Variants in PRRC2C observed in about 807,000 individuals in gnomAD.
The protein encoded by PRRC2C is protein PRRC2C.
PRRC2C carries 72 observed loss-of-function variants against 317.2 expected under a neutral mutation model. That is an observed-to-expected ratio of 0.23 (90% CI 0.19 to 0.28). The LOEUF is 0.28. PRRC2C is among the 10% of genes least tolerant of loss of function. The pLI is 1.00. For missense variants in PRRC2C, 3,074 were observed against 3,459.7 expected (o/e 0.89, Z 2.80); for synonymous variants, 1,296 against 1,205.9 (o/e 1.07, Z -1.55).
intron 1 of PRRC2C, among the ~76,000 whole-genome samples, chr1:171,499,999 A>T (rs1249326351): frequency 6.6e-6 from 1 of 152,208 alleles, no homozygotes. Flanking sequence ...TCTGTAAAAC[A>T]CTTGTAGAGT....
rs1572190412 is a variant in PRRC2C at position 171,592,490 on chromosome 1, A to G, written c.*643A>G. ...ATATTGATGTCAGCATCCTTGAACC[A>G]TATCAAAGTGAGCAGTGTTTGGCTA... On this transcript the variant is annotated 3_prime_UTR_variant, in exon 35 of 35. Coordinates refer to ENST00000647382, the MANE Select transcript of PRRC2C (RefSeq NM_001387844.1). 6.6e-6 allele frequency: 1 copy of G among 152,360 alleles called. No individual in the cohort carries two copies. The highest frequency in any genetic ancestry group is 1.9e-4 in the East Asian group (1 of 5,176). 9.4% of individuals were successfully genotyped at this position (152,360 alleles called of 1,614,324 possible).
intron 1 of PRRC2C, among the ~76,000 whole-genome samples, chr1:171,491,600 A>G (rs1667164008): frequency 6.6e-6 from 1 of 152,244 alleles, no homozygotes; most frequent in Non-Finnish European, 1.5e-5. Flanking sequence ...CAATTGGGAA[A>G]TTGGAGAAAT....
At chr1:171,490,537 G>A (rs1666941797) in intron 1 of PRRC2C, among the ~76,000 whole-genome samples, 1 of 152,196 alleles carries the variant, frequency 6.6e-6, no homozygotes, top group Admixed American at 6.5e-5. Context: ...AAACCGCAAA[G>A]GAGTAGGTTT....
chr1:171,543,121 G>A (rs1678297498), intron 16 of PRRC2C, among the ~76,000 whole-genome samples: 1 of 149,632 alleles, frequency 6.7e-6, no homozygotes, highest in Non-Finnish European at 1.5e-5. Context: ...TGTAATCCCA[G>A]CACTTTGGGA....
chr1:171,560,950 G>A, intron 19 of PRRC2C, 68 bp from the exon 20 acceptor site: 2 of 1,258,406 alleles, frequency 1.6e-6, no homozygotes, highest in Non-Finnish European at 2.3e-6. Flanking sequence ...TTAAGGAAAG[G>A]GTTAAATGGG....
intron 19 of PRRC2C, among the ~76,000 whole-genome samples, chr1:171,559,065 G>T (rs1291137818): frequency 6.6e-6 from 1 of 152,218 alleles, no homozygotes; most frequent in Non-Finnish European, 1.5e-5. Context: ...GCCTGAGAGA[G>T]GTGAGGCAGC....
rs150971843 is a variant in PRRC2C, at chr1:171,501,333, G to C, written c.-57-10699G>C. Among the ~76,000 whole-genome samples the C allele has an allele frequency of 1.5e-3, 222 of 152,184 alleles. 1 individual carries two copies. The highest frequency in any genetic ancestry group is 2.6e-3 in the Non-Finnish European group (180 of 67,996). On this transcript the variant is annotated intron_variant, in intron 1 of 34. Coordinates refer to ENST00000647382, the MANE Select transcript of PRRC2C (RefSeq NM_001387844.1). ...TTTTGTAGAAACAGAGTTTTGTCAT[G>C]TTGCCCAGGCTGGTCTCAAACTCCT... is the stretch of plus-strand genomic sequence containing the variant.
intron 11 of PRRC2C, among the ~76,000 whole-genome samples, chr1:171,531,966 C>T (rs1415812424): frequency 6.6e-6 from 1 of 152,188 alleles, no homozygotes; most frequent in Non-Finnish European, 1.5e-5. Context: ...CTTCATTTCT[C>T]TCCCTTAGAC....
chr1:171,539,492 C>T (rs1175836494), intron 15 of PRRC2C, among the ~76,000 whole-genome samples: 2 of 152,132 alleles, frequency 1.3e-5, no homozygotes, highest in African/African-American at 2.4e-5. Flanking sequence ...ACCTATATTT[C>T]CTATATTTAC....
chr1:171,587,818 G>T, intron 32 of PRRC2C, 67 bp downstream of exon 32: 1 of 1,032,504 alleles, frequency 9.7e-7, no homozygotes, highest in Non-Finnish European at 1.5e-6. Context: ...ATACTTATCA[G>T]TCCTGTGTGA....
At position 171,537,367 on chromosome 1, in the gene PRRC2C, A is replaced by T; in HGVS notation, c.2398A>T (p.Ile800Phe). ...HIARSARDHA[I>F]SLSEPRMLWG... ...AGCTCGATCTGCAAGAGATCACGCA[A>T]TTTCCCTTTCTGAGCCTCGTATGCT... The change falls in exon 15 of 35, where the codon ATT (isoleucine) becomes TTT (phenylalanine). Residue 800 changes from isoleucine to phenylalanine, a missense_variant. This residue lies in a region of PRRC2C where 1,320 missense variants were observed against 1,395.7 expected (regional missense o/e 0.95). Transcript: ENST00000647382. The T allele has an allele frequency of 3.1e-6, 5 of 1,592,168 alleles. No individual in the cohort carries two copies. Among genetic ancestry groups the T allele is most frequent in the Non-Finnish European group, 4.3e-6 (5 of 1,168,426 alleles).
At position 171,540,303 on chromosome 1, in the gene PRRC2C, C is replaced by T. The variant is rs1235227217; in HGVS notation, c.2837C>T (p.Ala946Val). The change falls in exon 16 of 35, where the codon GCA becomes GTA. Residue 946 changes from alanine (A) to valine (V), a missense_variant. Physicochemically the swap from Ala to Val is moderately conservative, Grantham distance 64. Around this residue, in one of 11 missense-constraint regions of PRRC2C, gnomAD observed 1,320 missense variants for 1,395.7 expected, o/e 0.95. Coordinates refer to ENST00000647382, the MANE Select transcript of PRRC2C (RefSeq NM_001387844.1). The part of the protein sequence containing the change: ...KPDEQRSEPS[A>V]GIPKVTSRCI... ...GACGAGCAGAGAAGTGAACCATCTG[C>T]AGGCATTCCTAAAGTAACCAGCAGA... 3.1e-6 allele frequency: 5 copies of T among 1,613,784 alleles called. No individual in the cohort carries two copies. Among genetic ancestry groups the T allele is most frequent in the Admixed American group, 3.3e-5 (2 of 60,010 alleles).
Position 171,541,284 on chromosome 1 carries a change from T to A in PRRC2C, c.3818T>A (p.Ile1273Asn). Residue 1273 changes from isoleucine to asparagine, a missense_variant, in exon 16 of 35, where the codon ATT (isoleucine) becomes AAT (asparagine). Around this residue, in one of 11 missense-constraint regions of PRRC2C, gnomAD observed 1,320 missense variants for 1,395.7 expected, o/e 0.95. Coordinates refer to ENST00000647382, the MANE Select transcript of PRRC2C (RefSeq NM_001387844.1). This position sits in a 1 kb window ranked among gnomAD's most constrained non-coding sequence, Gnocchi z 4.1. ...RGSETDTDSE[I>N]HESASDKDSL... The stretch of plus-strand genomic sequence containing the variant: ...TCAGAGACTGACACAGACAGTGAAA[T>A]TCATGAAAGTGCAAGTGACAAGGAC... 6.2e-7 allele frequency: 1 copy of A among 1,613,818 alleles called. No homozygotes were observed.
At chr1:171,514,460 G>T (rs757816500) in intron 3 of PRRC2C, 76 bp from the exon 4 acceptor site, 52 of 1,180,342 alleles carry the variant, frequency 4.4e-5, no homozygotes, top group Non-Finnish European at 6.1e-5. Context: ...TTTGTACACA[G>T]GTTTACCTTA....
At chr1:171,542,585 T>TA (rs1678154119) in intron 16 of PRRC2C, among the ~76,000 whole-genome samples, 2 of 152,332 alleles carry the variant, frequency 1.3e-5, no homozygotes, top group South Asian at 4.1e-4. Flanking sequence ...CCTCTAATGC[T>TA]ACACAGGTGT....
chr1:171,497,333 T>A (rs1413953353), intron 1 of PRRC2C, among the ~76,000 whole-genome samples: 1 of 152,258 alleles, frequency 6.6e-6, no homozygotes, highest in East Asian at 1.9e-4. Context: ...CTGGATTTAA[T>A]CTTGACTCTA....
At position 171,529,234 on chromosome 1, in the gene PRRC2C, C is replaced by T. The variant is rs144377347; in HGVS notation, c.1254+1390C>T. Among the ~76,000 whole-genome samples, 1,065 of 152,240 alleles carry T rather than the reference C, an allele frequency of 7.0e-3. 7 individuals are homozygous for T. Among genetic ancestry groups the T allele is most frequent in the Non-Finnish European group, 0.011 (772 of 68,014 alleles). On this transcript the variant is annotated intron_variant, in intron 11 of 34. Transcript: ENST00000647382. The stretch of plus-strand genomic sequence containing the variant: ...CTCAGTCCATTTTAAAAATCTGTAT[C>T]CTTTTCCTTGGGTATGTCTTCTATG...
chr1:171,591,782 A>G lies in PRRC2C; in HGVS notation c.8632A>G (p.Thr2878Ala), dbSNP rs765322828. ...EKPPPAPSIATKPVRTGPIKP... is the reference protein window; with the variant it reads ...EKPPPAPSIAAKPVRTGPIKP... ...GCCACCCCCTGCACCCTCCATAGCC[A>G]CCAAACCTGTTAGAACTGGACCAAT... Residue 2878 changes from threonine to alanine, a missense_variant, in exon 35 of 35, where the codon ACC becomes GCC. Thr to Ala is a moderately conservative substitution (Grantham distance 58, BLOSUM62 0). Transcript: ENST00000647382. The G allele has an allele frequency of 2.5e-6, 4 of 1,613,144 alleles. No individual in the cohort carries two copies. Among genetic ancestry groups the G allele is most frequent in the Non-Finnish European group, 3.4e-6 (4 of 1,179,816 alleles).
rs1345398272 is a variant in PRRC2C, at chr1:171,518,463, T to C, written c.750+649T>C. Among the ~76,000 whole-genome samples the C allele has an allele frequency of 2.6e-5, 3 of 114,806 alleles. No individual in the cohort carries two copies. In the Admixed American group the frequency reaches 2.7e-4, roughly 10 times the overall value. 75.3% of individuals were successfully genotyped at this position (114,806 alleles called of 152,430 possible). ...AGTTTTTATTTGTGTACTTTTAATA[T>C]TTTTTTCAATTTTTTTTCAATTTTT... On this transcript the variant is annotated intron_variant, in intron 6 of 34. Transcript: ENST00000647382.
Sources: allele counts gnomAD v4.1 joint callset (sites outside exome capture counted in the v4.1 genomes callset), GRCh38; gene constraint gnomAD v4.1.1; regional missense constraint gnomAD v4.1.1; non-coding constraint Gnocchi (gnomAD v3.1); transcripts MANE v1.5; gene names NCBI Gene and HGNC (gene_info 2026-07-23, HGNC 2026-07-21).